The following MUC12 variants were observed in gnomAD, a reference collection of about 807,000 sequenced individuals.
MUC12 encodes mucin 12, cell surface associated.
Under a neutral mutation model 230.8 loss-of-function variants are expected in MUC12, and 172 were observed. The observed-to-expected ratio is 0.75, with a 90% CI of 0.66 to 0.85. The LOEUF (loss-of-function observed/expected upper bound fraction) is 0.85. MUC12 is among the 40% of genes least tolerant of loss of function. MUC12 has a pLI of 0.00. For synonymous variants in MUC12, 1,259 were observed against 2,401.9 expected (o/e 0.52, Z 13.91); for missense variants, 3,506 against 5,920.6 (o/e 0.59, Z 13.38).
Position 101,013,099 on chromosome 7 carries a change from A to ATT in MUC12, c.15595_15596insTT (p.Asn5199IlefsTer46). 1 of 1,537,306 alleles carries ATT rather than the reference A, an allele frequency of 6.5e-7. No individual in the cohort carries two copies. The highest frequency in any genetic ancestry group is 8.7e-7 in the Non-Finnish European group (1 of 1,146,922). Reference sequence around the variant, plus strand: ...AGGAACGAAGTCGCAAATGAACTGTAACCTGGGCACATGTCAGCTGCAACG... The same window carrying ATT: ...AGGAACGAAGTCGCAAATGAACTGTATTACCTGGGCACATGTCAGCTGCAACG... On this transcript the variant is annotated frameshift_variant, in exon 8 of 12. Coordinates refer to ENST00000536621, the MANE Select transcript of MUC12 (RefSeq NM_001164462.2). LOFTEE classifies it high-confidence loss of function.
chr7:101,015,760 C>T, intron 10 of MUC12, 69 bp downstream of exon 10: 2 of 1,382,376 alleles, frequency 1.4e-6, no homozygotes, highest in Non-Finnish European at 9.9e-7. Flanking sequence ...GGTGCCTGTG[C>T]CTGTGGGGGT....
At position 101,004,517 on chromosome 7, in the gene MUC12, G is replaced by T; in HGVS notation, c.13954G>T (p.Val4652Phe). The change falls in exon 2 of 12, where the codon GTT becomes TTT. Residue 4652 changes from valine to phenylalanine, a missense_variant. By Grantham distance (50) the Val-to-Phe change is conservative (BLOSUM62 -1). Transcript: ENST00000536621. ...ACCTCCTAGCACCACATCTGCCCTT[G>T]TTGAAGAACCTACCAGCTACCACAG... ...SSPPSTTSAL[V>F]EEPTSYHSSP... 1.0e-5 allele frequency: 16 copies of T among 1,535,364 alleles called. No individual in the cohort carries two copies. The highest frequency in any genetic ancestry group is 1.3e-5 in the Non-Finnish European group (15 of 1,146,384).
At chr7:100,984,192 C>G (rs771188358) in intron 1 of MUC12, among the ~76,000 whole-genome samples, 1 of 151,802 alleles carries the variant, frequency 6.6e-6, no homozygotes. Flanking sequence ...GTATTACACT[C>G]TCAAAGAGGG....
At chr7:100,975,952 TGGA>T (rs1793024090) in intron 1 of MUC12, among the ~76,000 whole-genome samples, 1 of 152,300 alleles carries the variant, frequency 6.6e-6, no homozygotes, top group South Asian at 2.1e-4. Flanking sequence ...ACACCACAGT[TGGA>T]GAAGTCAATA....
intron 1 of MUC12, among the ~76,000 whole-genome samples, chr7:100,975,003 T>A (rs1792998333): frequency 6.6e-6 from 1 of 152,308 alleles, no homozygotes. Context: ...CAGGAGCCTC[T>A]CTTTGGTGGA....
chr7:100,990,904 T>C lies in MUC12; in HGVS notation c.341T>C (p.Ile114Thr), dbSNP rs988467970. The C allele has an allele frequency of 1.3e-6, 2 of 1,537,756 alleles. No homozygotes were observed. Among genetic ancestry groups the C allele is most frequent in the Non-Finnish European group, 1.7e-6 (2 of 1,147,028 alleles). The stretch of plus-strand genomic sequence containing the variant: ...GTTGGAGAACCTAAAACCTCACCCA[T>C]CACTTCAGCCTCAATGGAAACAACA... The part of the protein sequence containing the change: ...VFVGEPKTSP[I>T]TSASMETTAL... The change falls in exon 2 of 12, where the codon ATC (isoleucine) becomes ACC (threonine). Residue 114 changes from isoleucine to threonine, a missense_variant. Coordinates refer to ENST00000536621, the MANE Select transcript of MUC12 (RefSeq NM_001164462.2).
rs1018327890 is a variant in MUC12 at position 100,991,866 on chromosome 7, G to T, written c.1303G>T (p.Glu435Ter). 2 of 1,537,660 alleles carry T rather than the reference G, an allele frequency of 1.3e-6. No homozygotes were observed. Among genetic ancestry groups the T allele is most frequent in the Admixed American group, 3.9e-5 (2 of 51,014 alleles). The change falls in exon 2 of 12, where the codon GAG becomes TAG. Residue 435 changes from glutamate (E) to a stop codon, truncating the protein, a stop_gained. Coordinates refer to ENST00000536621, the MANE Select transcript of MUC12 (RefSeq NM_001164462.2). LOFTEE classifies it high-confidence loss of function. ...RDSSTISGRS[E>*]ESKASHSSPD... ...TAGCTCCACAATCTCAGGCCGTAGT[G>T]AGGAATCAAAAGCATCCCACAGCAG... is the stretch of plus-strand genomic sequence containing the variant.
chr7:100,991,948 T>C lies in MUC12; in HGVS notation c.1385T>C (p.Val462Ala), dbSNP rs564189766. ...LPAGSTPSVL[V>A]GDSTPSPISS... ...GCCGGCTCTACACCCTCAGTTCTTG[T>C]TGGAGACTCGACGCCCTCACCCATC... The change falls in exon 2 of 12, where the codon GTT (valine) becomes GCT (alanine). Residue 462 changes from valine (V) to alanine (A), a missense_variant. By Grantham distance (64) the Val-to-Ala change is moderately conservative. Transcript: ENST00000536621. 1.2e-5 allele frequency: 19 copies of C among 1,537,642 alleles called. No homozygotes were observed. The highest frequency in any genetic ancestry group is 2.0e-5 in the Admixed American group (1 of 50,966).
intron 1 of MUC12, among the ~76,000 whole-genome samples, chr7:100,987,060 GTTTTTTTTTT>G (rs1176844989): frequency 5.5e-5 from 5 of 91,326 alleles, no homozygotes; most frequent in African/African-American, 1.8e-4. Flanking sequence ...CAAGATAATG[GTTTTTTTTTT>G]TTTTTTTTTT....
intron 10 of MUC12, chr7:101,017,114 G>A (rs1793938478): frequency 6.5e-6 from 1 of 154,390 alleles, no homozygotes; most frequent in African/African-American, 2.4e-5. Context: ...AGTCCAGAGA[G>A]TGAGTGGTTC....
At chr7:101,011,481 G>A (rs1337702474) in intron 5 of MUC12, among the ~76,000 whole-genome samples, 2 of 152,080 alleles carry the variant, frequency 1.3e-5, no homozygotes, top group African/African-American at 2.4e-5. Flanking sequence ...AAGTGCAGTG[G>A]TGCAATCATA....
At chr7:101,008,850 C>G in intron 4 of MUC12, 89 bp downstream of exon 4, 1 of 1,440,230 alleles carries the variant, frequency 6.9e-7, no homozygotes, top group Non-Finnish European at 9.2e-7. Flanking sequence ...GATCTGAGTT[C>G]TTCTGCTCAT....
rs113575735 is a variant in MUC12 at position 100,989,510 on chromosome 7, G to T, written c.68-1121G>T. On this transcript the variant is annotated intron_variant, in intron 1 of 11. Coordinates refer to ENST00000536621, the MANE Select transcript of MUC12 (RefSeq NM_001164462.2). Reference sequence around the variant, plus strand: ...AGAATGTGAGGAACAAAAGGAACGCGTGTGGGGGCATTTGTGGGAGTACAA... The same window carrying T: ...AGAATGTGAGGAACAAAAGGAACGCTTGTGGGGGCATTTGTGGGAGTACAA... Among the ~76,000 whole-genome samples the T allele has an allele frequency of 8.5e-3, 1,299 of 152,250 alleles. 16 individuals are homozygous for T. The highest frequency in any genetic ancestry group is 0.03 in the African/African-American group (1,234 of 41,534).
chr7:100,981,970 G>C (rs534765423), intron 1 of MUC12, among the ~76,000 whole-genome samples: 1 of 150,688 alleles, frequency 6.6e-6, no homozygotes, highest in East Asian at 2.0e-4. Flanking sequence ...GGGTTCAAGC[G>C]ATTCTCCTGC....
Position 100,971,206 on chromosome 7 carries a change from G to C in MUC12, c.67+1517G>C, listed in dbSNP as rs570478598. Among the ~76,000 whole-genome samples the C allele has an allele frequency of 4.6e-5, 7 of 152,172 alleles. No individual in the cohort carries two copies. The South Asian group carries it at 1.4e-3, about 32-fold the overall frequency. On this transcript the variant is annotated intron_variant, in intron 1 of 11. Transcript: ENST00000536621. ...CAAAAAAAAAACAAACCGTGGCTGA[G>C]GGGCTGTAGGAGGAGACAGAGGCTC...
Position 101,014,087 on chromosome 7 carries a change from G to A in MUC12, c.15800+13G>A. 6.6e-7 allele frequency: 1 copy of A among 1,522,922 alleles called. No homozygotes were observed. The highest frequency in any genetic ancestry group is 8.8e-7 in the Non-Finnish European group (1 of 1,138,670). The allele number at this position is 1,522,922 out of a possible 1,614,324, so 94.3% of individuals were successfully genotyped here. On this transcript the variant is annotated intron_variant, in intron 9 of 11. Coordinates refer to ENST00000536621, the MANE Select transcript of MUC12 (RefSeq NM_001164462.2). ...GAAAACGGCACAGGTGAGCTTGTGA[G>A]GCCAGCACCGCAGGCCCACACAGAG...
intron 1 of MUC12, chr7:100,973,114 G>C (rs1563083806): frequency 1.5e-6 from 1 of 663,564 alleles, no homozygotes; most frequent in East Asian, 2.7e-5. Flanking sequence ...ACCTCTGTGG[G>C]CTGAGTAGGG....
intron 10 of MUC12, among the ~76,000 whole-genome samples, chr7:101,017,101 C>CGGAGTCCA (rs972433041): frequency 1.3e-5 from 2 of 151,698 alleles, no homozygotes; most frequent in African/African-American, 4.8e-5. Context: ...GGGAGAGCCC[C>CGGAGTCCA]GGAGTCCAGA....
At position 100,991,484 on chromosome 7, in the gene MUC12, C is replaced by G. The variant is rs1793299067; in HGVS notation, c.921C>G (p.Ser307Arg). Residue 307 changes from serine to arginine, a missense_variant, in exon 2 of 12, where the codon AGC becomes AGG. Transcript: ENST00000536621. Reference protein sequence around the residue: ...AFVKLSTTYHSSPSSTPTTHF... With the variant: ...AFVKLSTTYHRSPSSTPTTHF... ...TTAAACTATCTACAACTTATCACAG[C>G]AGCCCGAGCTCAACTCCAACAACCC... The G allele has an allele frequency of 1.3e-6, 2 of 1,537,360 alleles. No individual in the cohort carries two copies. The highest frequency in any genetic ancestry group is 2.7e-5 in the African/African-American group (2 of 73,002).
Sources: allele counts gnomAD v4.1 joint callset (sites outside exome capture counted in the v4.1 genomes callset), GRCh38; gene constraint gnomAD v4.1.1; transcripts MANE v1.5; gene names NCBI Gene and HGNC (gene_info 2026-07-23, HGNC 2026-07-21).